Variants in SLC39A8 observed in about 807,000 individuals in gnomAD.
The protein encoded by SLC39A8 is solute carrier family 39 member 8, also known as metal cation symporter ZIP8.
SLC39A8 carries 15 observed loss-of-function variants against 40.4 expected under a neutral mutation model. The observed-to-expected ratio is 0.37, with a 90% CI of 0.25 to 0.57. SLC39A8 has a LOEUF of 0.57. SLC39A8 is among the 20% of genes least tolerant of loss of function. The pLI is 0.75. For synonymous variants in SLC39A8, 223 were observed against 221.6 expected, an observed-to-expected ratio of 1.01 and a Z score of -0.06; for missense variants, 472 against 558.8, an observed-to-expected ratio of 0.84 and a Z score of 1.57.
chr4:102,306,319 T>C (rs1372734770), intron 4 of SLC39A8, among the ~76,000 whole-genome samples: 94 of 151,946 alleles, frequency 6.2e-4, no homozygotes, highest in Non-Finnish European at 2.4e-4. Flanking sequence ...TATAATACTC[T>C]TTTAAATCAG....
chr4:102,277,643 T>C (rs980879240), intron 6 of SLC39A8, among the ~76,000 whole-genome samples: 8 of 152,142 alleles, frequency 5.3e-5, no homozygotes, highest in Non-Finnish European at 2.9e-5. Flanking sequence ...TACTTTAAAT[T>C]TCTTATAGAA....
intron 2 of SLC39A8, among the ~76,000 whole-genome samples, chr4:102,328,269 A>G (rs1735302872): frequency 6.6e-6 from 1 of 151,526 alleles, no homozygotes; most frequent in African/African-American, 2.4e-5. Context: ...CCTTGAAATT[A>G]TTCTATACAA....
chr4:102,259,952 G>A (rs1731802153), downstream of SLC39A8, among the ~76,000 whole-genome samples: 1 of 152,172 alleles, frequency 6.6e-6, no homozygotes, highest in Non-Finnish European at 1.5e-5. Flanking sequence ...CGTTTCCTTA[G>A]AATATAGATC....
rs529433556 is a variant in SLC39A8 at position 102,272,402 on chromosome 4, C to G, written c.841-4323G>C. Reference sequence around the variant, plus strand: ...TGCAGTGAGCCGAGATCGCAGTGAGCCGAGCCTGGGTGACAGAGTGAGACT... The same window carrying G: ...TGCAGTGAGCCGAGATCGCAGTGAGGCGAGCCTGGGTGACAGAGTGAGACT... On this transcript the variant is annotated intron_variant, in intron 6 of 8. Transcript: ENST00000356736. Among the ~76,000 whole-genome samples, 793 of 151,082 alleles carry G rather than the reference C, an allele frequency of 5.2e-3. 6 individuals carry two copies. Among genetic ancestry groups the G allele is most frequent in the Non-Finnish European group, 5.9e-3 (403 of 67,732 alleles).
At chr4:102,335,839 C>T (rs1735642165) in intron 2 of SLC39A8, among the ~76,000 whole-genome samples, 1 of 152,166 alleles carries the variant, frequency 6.6e-6, no homozygotes, top group Non-Finnish European at 1.5e-5. Flanking sequence ...AAATCAAAGG[C>T]ACTGGACTGA....
intron 6 of SLC39A8, among the ~76,000 whole-genome samples, chr4:102,273,092 C>T (rs1010722842): frequency 2.0e-5 from 3 of 152,188 alleles, no homozygotes; most frequent in Non-Finnish European, 4.4e-5. Context: ...ACCAGCAAGA[C>T]AGAATCATTC....
chr4:102,306,616 C>T (rs1021742645), intron 4 of SLC39A8, among the ~76,000 whole-genome samples: 7 of 151,914 alleles, frequency 4.6e-5, no homozygotes, highest in Non-Finnish European at 8.8e-5. Context: ...TATTTTCTCT[C>T]TGTATGGGGT....
chr4:102,315,847 A>G lies in SLC39A8; in HGVS notation c.220-17T>C. The G allele has an allele frequency of 7.7e-7, 1 of 1,296,008 alleles. No individual in the cohort carries two copies. Among genetic ancestry groups the G allele is most frequent in the South Asian group, 1.5e-5 (1 of 64,932 alleles). 80.3% of individuals were successfully genotyped at this position (1,296,008 alleles called of 1,614,324 possible). A position where few individuals can be genotyped will look rare whatever the true frequency, so the allele number is the denominator to read the frequency against. On this transcript the variant is annotated splice_polypyrimidine_tract_variant and intron_variant, in intron 2 of 8. Transcript: ENST00000356736. ...AGTTAAACACTGAAATAGAATAAACAAAAAAAAAATGTGATAATAATGTGT... is the reference window on the plus strand; with the variant it reads ...AGTTAAACACTGAAATAGAATAAACGAAAAAAAAATGTGATAATAATGTGT...
rs1731886956 is a variant in SLC39A8, at chr4:102,262,056, C to T, written c.*988G>A. The T allele has an allele frequency of 1.0e-6, 1 of 985,898 alleles. No homozygotes were observed. 61.1% of individuals were successfully genotyped at this position (985,898 alleles called of 1,614,324 possible). A position where few individuals can be genotyped will look rare whatever the true frequency, so the allele number is the denominator to read the frequency against. ...CACAAAGGAAGTCTTTTCTGAATGG[C>T]TCTCGATCACACATAAGGAACATAT... On this transcript the variant is annotated 3_prime_UTR_variant, in exon 9 of 9. Transcript: ENST00000356736.
chr4:102,283,872 T>C (rs981260477), intron 6 of SLC39A8, among the ~76,000 whole-genome samples: 27 of 152,270 alleles, frequency 1.8e-4, no homozygotes, highest in African/African-American at 6.0e-4. Flanking sequence ...ATCTTTCTGT[T>C]CCTAAAACCC....
chr4:102,325,066 C>G (rs1735136063), intron 2 of SLC39A8, among the ~76,000 whole-genome samples: 1 of 151,984 alleles, frequency 6.6e-6, no homozygotes, highest in Non-Finnish European at 1.5e-5. Flanking sequence ...CTGATATATA[C>G]ATACATACTT....
intron 6 of SLC39A8, among the ~76,000 whole-genome samples, chr4:102,278,762 G>A (rs1440430275): frequency 6.6e-6 from 1 of 152,154 alleles, no homozygotes; most frequent in Non-Finnish European, 1.5e-5. Context: ...ATGATAGAAT[G>A]GATAAAGAAA....
chr4:102,319,944 C>T (rs1252252402), intron 2 of SLC39A8, among the ~76,000 whole-genome samples: 5 of 151,494 alleles, frequency 3.3e-5, no homozygotes, highest in Non-Finnish European at 7.4e-5. Context: ...GAATTTGTCC[C>T]TTTTTTCCTT....
At chr4:102,300,528 T>C (rs996590559) in intron 6 of SLC39A8, among the ~76,000 whole-genome samples, 2 of 152,050 alleles carry the variant, frequency 1.3e-5, no homozygotes, top group Admixed American at 1.3e-4. Context: ...GATCAAAAAT[T>C]ATGCTTTTAT....
intron 6 of SLC39A8, among the ~76,000 whole-genome samples, chr4:102,298,174 TAAA>T (rs201776889): frequency 1.4e-5 from 2 of 147,314 alleles, no homozygotes; most frequent in Non-Finnish European, 1.5e-5. Flanking sequence ...TGTGGAGTAA[TAAA>T]AAAAAAACTT....
chr4:102,309,257 G>C (rs1388926593), intron 3 of SLC39A8, among the ~76,000 whole-genome samples: 2 of 151,854 alleles, frequency 1.3e-5, no homozygotes, highest in Non-Finnish European at 2.9e-5. Context: ...CACACACACA[G>C]AGTGATACAA....
At chr4:102,322,788 T>C (rs1208060944) in intron 2 of SLC39A8, among the ~76,000 whole-genome samples, 1 of 152,116 alleles carries the variant, frequency 6.6e-6, no homozygotes, top group Non-Finnish European at 1.5e-5. Context: ...CTAGGTGTGG[T>C]TGTATTCTCT....
Position 102,262,951 on chromosome 4 carries a change from T to C in SLC39A8, c.*93A>G, listed in dbSNP as rs1186455916. On this transcript the variant is annotated 3_prime_UTR_variant, in exon 9 of 9. Transcript: ENST00000356736. ...ACCTACAGTTGAAAGCAAAATTATC[T>C]TTTTAACTAAATAGGATCAGCTTCA... The C allele has an allele frequency of 6.8e-7, 1 of 1,466,710 alleles. No individual in the cohort carries two copies. Among genetic ancestry groups the C allele is most frequent in the African/African-American group, 1.4e-5 (1 of 70,508 alleles). 90.9% of individuals were successfully genotyped at this position (1,466,710 alleles called of 1,614,324 possible).
chr4:102,318,358 C>T (rs1734752398), intron 2 of SLC39A8, among the ~76,000 whole-genome samples: 1 of 152,072 alleles, frequency 6.6e-6, no homozygotes, highest in African/African-American at 2.4e-5. Context: ...TCAAAGCTCC[C>T]CTCATGATAA....
Sources: gnomAD v4.1 joint callset for allele counts (sites outside exome capture counted in the v4.1 genomes callset) on GRCh38, gnomAD v4.1.1 for gene constraint, MANE v1.5 for transcripts, NCBI Gene and HGNC (gene_info 2026-07-23, HGNC 2026-07-21) for gene names.